Variants in GSE1 observed in about 807,000 individuals in gnomAD.
GSE1 encodes Gse1 coiled-coil protein, also known as genetic suppressor element 1.
GSE1 carries 32 observed loss-of-function variants against 112.6 expected under a neutral mutation model. The observed-to-expected ratio is 0.28, with a 90% CI of 0.21 to 0.38. The LOEUF (loss-of-function observed/expected upper bound fraction) is 0.38, where lower values mean the gene tolerates loss of function less well. Among genes scored for constraint, GSE1 ranks in the 10% least tolerant of loss-of-function variants. The pLI, the probability that GSE1 is intolerant of heterozygous loss-of-function variation, is 1.00. For synonymous variants in GSE1, 1,115 were observed against 735.6 expected (o/e 1.52, Z -8.35); for missense variants, 2,348 against 1,699.2 (o/e 1.38, Z -6.71).
intron 1 of GSE1, among the ~76,000 whole-genome samples, chr16:85,569,535 C>G (rs1354170811): frequency 6.6e-6 from 1 of 152,180 alleles, no homozygotes; most frequent in Non-Finnish European, 1.5e-5. Flanking sequence ...ATTTCAAGAG[C>G]TTAGTGTGGT....
At chr16:85,477,832 T>A (rs1460091876) in intron 2 of GSE1, among the ~76,000 whole-genome samples, 1 of 152,102 alleles carries the variant, frequency 6.6e-6, no homozygotes, top group Non-Finnish European at 1.5e-5. Flanking sequence ...AGTGTTGAGA[T>A]TACAGGTGTG....
intron 2 of GSE1, among the ~76,000 whole-genome samples, chr16:85,429,983 C>G (rs370702497): frequency 2.6e-5 from 4 of 152,338 alleles, no homozygotes; most frequent in East Asian, 1.9e-4. Flanking sequence ...TCTGCGGGGG[C>G]TCGGTAAAAA....
chr16:85,495,428 A>G (rs546641256), intron 2 of GSE1, among the ~76,000 whole-genome samples: 1 of 110,664 alleles, frequency 9.0e-6, no homozygotes, highest in African/African-American at 3.5e-5. Context: ...TGCTGGGAAC[A>G]TTTTATTTAT....
At chr16:85,522,072 C>T (rs2151156559) in intron 2 of GSE1, among the ~76,000 whole-genome samples, 1 of 152,316 alleles carries the variant, frequency 6.6e-6, no homozygotes, top group Admixed American at 6.5e-5. Context: ...TCTTTGGAAG[C>T]CAGGCAGGCA....
chr16:85,355,920 G>C (rs1338291765), intron 1 of GSE1, among the ~76,000 whole-genome samples: 1 of 152,072 alleles, frequency 6.6e-6, no homozygotes, highest in Non-Finnish European at 1.5e-5. Flanking sequence ...CCAGCTACTC[G>C]GGAGGCTGAG....
At chr16:85,265,617 G>C (rs912335552) in intron 1 of GSE1, among the ~76,000 whole-genome samples, 3 of 152,118 alleles carry the variant, frequency 2.0e-5, no homozygotes, top group Non-Finnish European at 4.4e-5. Flanking sequence ...CTCCAAATCA[G>C]CTGACTCCAG....
chr16:85,307,652 C>T (rs2045717636), intron 1 of GSE1, among the ~76,000 whole-genome samples: 2 of 152,184 alleles, frequency 1.3e-5, no homozygotes, highest in Admixed American at 6.5e-5. Flanking sequence ...GCCTCGGTGT[C>T]CAGAGTCTTT....
At chr16:85,586,791 C>T (rs2046718953) in intron 1 of GSE1, among the ~76,000 whole-genome samples, 1 of 152,218 alleles carries the variant, frequency 6.6e-6, no homozygotes, top group Non-Finnish European at 1.5e-5. Context: ...CCGGTGGGCT[C>T]TCCTCCGTGC....
At chr16:85,186,478 C>G (rs2074703935) in intron 1 of GSE1, among the ~76,000 whole-genome samples, 1 of 152,052 alleles carries the variant, frequency 6.6e-6, no homozygotes, top group Admixed American at 6.5e-5. Flanking sequence ...TGGCGCATGC[C>G]TGTAGTCCCA....
chr16:85,336,808 A>G (rs1443770089), intron 1 of GSE1, among the ~76,000 whole-genome samples: 3 of 152,300 alleles, frequency 2.0e-5, no homozygotes, highest in African/African-American at 7.2e-5. Flanking sequence ...ATGCTCACAC[A>G]CAAGGCACTC....
intron 1 of GSE1, among the ~76,000 whole-genome samples, chr16:85,347,180 G>A (rs1303558647): frequency 1.3e-5 from 2 of 152,152 alleles, no homozygotes; most frequent in African/African-American, 4.8e-5. Context: ...GAGATGAGCA[G>A]GTATGGGGCA....
rs1244723628 is a variant in GSE1, at chr16:85,311,264, G to A, written c.2284-46199G>A. 6.6e-6 allele frequency among the ~76,000 whole-genome samples: 1 copy of A among 152,206 alleles called. No individual in the cohort carries two copies. The highest frequency in any genetic ancestry group is 1.5e-5 in the Non-Finnish European group (1 of 68,038). On this transcript the variant is annotated intron_variant, in intron 1 of 2. Coordinates refer to the GSE1 transcript ENST00000637419. This position sits in a 1 kb window ranked among gnomAD's most constrained non-coding sequence, Gnocchi z 4.2. ...GCACAAAGGGGCAGAGCCTAGCCAC[G>A]GAGAGAGGGTGTGCCATCCTCTCTG...
intron 2 of GSE1, among the ~76,000 whole-genome samples, chr16:85,411,151 TG>T (rs2048530425): frequency 4.0e-5 from 1 of 24,816 alleles, no homozygotes; most frequent in Non-Finnish European, 7.4e-5. Flanking sequence ...AGGGCCCCCC[TG>T]GATAATCCTC....
At chr16:85,463,274 T>C (rs549581728) in intron 2 of GSE1, 42 of 204,652 alleles carry the variant, frequency 2.1e-4, no homozygotes, top group Non-Finnish European at 2.8e-4. Context: ...GCCACGCACG[T>C]GCTCCCCAGC....
At chr16:85,176,346 C>G (rs1423024385) in intron 1 of GSE1, among the ~76,000 whole-genome samples, 1 of 152,248 alleles carries the variant, frequency 6.6e-6, no homozygotes, top group Non-Finnish European at 1.5e-5. Context: ...TTGCCACAGC[C>G]TCTAGAACAT....
rs375042706 is a variant in GSE1, at chr16:85,195,306, G to C, written c.2283+23499G>C. On this transcript the variant is annotated intron_variant, in intron 1 of 2. Transcript: ENST00000637419. ...AACATCTTACAAGAAGGATTTTTCT[G>C]AGTGCCACCGGGCAGGCGAGTTGGA... Among the ~76,000 whole-genome samples, 9 of 152,328 alleles carry C rather than the reference G, an allele frequency of 5.9e-5. No homozygotes were observed. In the East Asian group the frequency reaches 1.3e-3, roughly 23 times the overall value.
intron 1 of GSE1, among the ~76,000 whole-genome samples, chr16:85,605,819 A>G (rs961856387): frequency 5.3e-5 from 8 of 151,912 alleles, no homozygotes; most frequent in African/African-American, 1.7e-4. Flanking sequence ...TGAAGACCGC[A>G]TTGTAGGTGA....
At chr16:85,324,675 G>GT (rs2046188958) in intron 1 of GSE1, among the ~76,000 whole-genome samples, 1 of 152,192 alleles carries the variant, frequency 6.6e-6, no homozygotes, top group Non-Finnish European at 1.5e-5. Context: ...AGAGAGTGGA[G>GT]TATGACTGGG....
chr16:85,586,134 GTC>G (rs942650781), intron 1 of GSE1, among the ~76,000 whole-genome samples: 1 of 152,188 alleles, frequency 6.6e-6, no homozygotes, highest in Non-Finnish European at 1.5e-5. Context: ...GTCTGCATCT[GTC>G]TCTGTGTCCA....
Sources: allele counts gnomAD v4.1 joint callset (sites outside exome capture counted in the v4.1 genomes callset), GRCh38; gene constraint gnomAD v4.1.1; non-coding constraint Gnocchi (gnomAD v3.1); transcripts MANE v1.5; gene names NCBI Gene and HGNC (gene_info 2026-07-23, HGNC 2026-07-21).